The following CNTN1 variants were observed in gnomAD, a reference collection of about 807,000 sequenced individuals.
The protein encoded by CNTN1 is contactin 1.
In CNTN1, 38 loss-of-function variants were observed where a neutral mutation model predicts 126.4. The ratio of observed to expected loss-of-function variants is 0.30; its 90% CI spans 0.23 to 0.39. The LOEUF (loss-of-function observed/expected upper bound fraction) is 0.39, where lower values mean the gene tolerates loss of function less well. CNTN1 is among the 10% of genes least tolerant of loss of function. The pLI is 1.00. For synonymous variants in CNTN1, 413 were observed against 422.6 expected, an observed-to-expected ratio of 0.98 and a Z score of 0.28; for missense variants, 1,009 against 1,248.4, an observed-to-expected ratio of 0.81 and a Z score of 2.89.
intron 1 of CNTN1, among the ~76,000 whole-genome samples, chr12:40,704,970 C>T (rs900503555): frequency 1.3e-5 from 2 of 152,084 alleles, no homozygotes; most frequent in Non-Finnish European, 2.9e-5. Flanking sequence ...AAAGCTTATC[C>T]TTGCAATAAA....
intron 23 of CNTN1, among the ~76,000 whole-genome samples, chr12:41,042,988 C>T (rs1299879447): frequency 1.3e-5 from 2 of 152,106 alleles, no homozygotes; most frequent in East Asian, 1.9e-4. Context: ...ACACCTTATA[C>T]AAAAATTAAT....
Position 40,975,985 on chromosome 12 carries a change from C to T in CNTN1, c.1805-4924C>T, listed in dbSNP as rs184103877. On this transcript the variant is annotated intron_variant, in intron 15 of 23. Coordinates refer to ENST00000551295, the MANE Select transcript of CNTN1 (RefSeq NM_001843.4). ...CGTAATAAAATGTATTTCAAAAACTCGAGAGCATGGGTAGGGGGAGGTGGT... is the reference window on the plus strand; with the variant it reads ...CGTAATAAAATGTATTTCAAAAACTTGAGAGCATGGGTAGGGGGAGGTGGT... 1.9e-3 allele frequency among the ~76,000 whole-genome samples: 293 copies of T among 152,114 alleles called. 3 individuals are homozygous for T. Among genetic ancestry groups the T allele is most frequent in the Non-Finnish European group, 2.5e-3 (168 of 67,992 alleles).
chr12:40,887,876 A>C (rs1477481277), intron 1 of CNTN1, among the ~76,000 whole-genome samples: 1 of 152,076 alleles, frequency 6.6e-6, no homozygotes. Flanking sequence ...GACATGGATG[A>C]AACTGGAAAT....
chr12:40,979,167 T>G (rs964535829), intron 15 of CNTN1: 15 of 152,208 alleles, frequency 9.9e-5, no homozygotes, highest in Non-Finnish European at 1.5e-4. Context: ...TATACTATTA[T>G]AGGTTACAAA....
chr12:40,971,052 A>C (rs1473166925), intron 15 of CNTN1, among the ~76,000 whole-genome samples: 3 of 152,136 alleles, frequency 2.0e-5, no homozygotes, highest in Non-Finnish European at 4.4e-5. Flanking sequence ...ATCTATCCTT[A>C]TTACTTTTAT....
At chr12:40,698,963 A>G (rs1024275689) in intron 1 of CNTN1, among the ~76,000 whole-genome samples, 4 of 152,086 alleles carry the variant, frequency 2.6e-5, no homozygotes, top group African/African-American at 9.7e-5. Context: ...ATTCTCTACT[A>G]TAAATAACCT....
chr12:40,838,218 TC>T (rs1313746213), intron 1 of CNTN1, among the ~76,000 whole-genome samples: 1 of 152,076 alleles, frequency 6.6e-6, no homozygotes, highest in East Asian at 1.9e-4. Context: ...TGAAGTTGGC[TC>T]TAAACTCCCA....
chr12:41,024,990 A>C (rs1339917755), intron 20 of CNTN1, among the ~76,000 whole-genome samples, 160 bp from the exon 21 acceptor site: 1 of 152,102 alleles, frequency 6.6e-6, no homozygotes, highest in Non-Finnish European at 1.5e-5. Context: ...TGTATGCTTT[A>C]CTATATTCTA....
At chr12:40,777,337 A>G (rs923472644) in intron 1 of CNTN1, among the ~76,000 whole-genome samples, 6 of 151,496 alleles carry the variant, frequency 4.0e-5, no homozygotes, top group Non-Finnish European at 5.9e-5. Context: ...GTGTGTATAT[A>G]ATAATAAGCT....
chr12:40,839,617 A>G (rs1289583814), intron 1 of CNTN1, among the ~76,000 whole-genome samples: 1 of 152,188 alleles, frequency 6.6e-6, no homozygotes, highest in Non-Finnish European at 1.5e-5. Context: ...AGAGAATTGG[A>G]TGATCTACTC....
chr12:41,055,681 T>C (rs1286262582), intron 23 of CNTN1, among the ~76,000 whole-genome samples: 1 of 152,138 alleles, frequency 6.6e-6, no homozygotes, highest in Non-Finnish European at 1.5e-5. Flanking sequence ...ATATTAAAAC[T>C]GAGAAGCAAT....
chr12:40,928,761 T>C (rs529567517), intron 6 of CNTN1, among the ~76,000 whole-genome samples: 64 of 152,248 alleles, frequency 4.2e-4, no homozygotes, highest in African/African-American at 1.5e-3. Flanking sequence ...GCATCTCTTT[T>C]AGTTTTTCAT....
chr12:40,938,775 T>G (rs143339997), intron 11 of CNTN1, among the ~76,000 whole-genome samples: 20 of 152,200 alleles, frequency 1.3e-4, no homozygotes, highest in Admixed American at 4.6e-4. Context: ...TGATTGAAAT[T>G]GAAGTTATTT....
intron 1 of CNTN1, among the ~76,000 whole-genome samples, chr12:40,766,548 G>A (rs1299859477): frequency 5.9e-5 from 9 of 152,078 alleles, no homozygotes; most frequent in African/African-American, 1.9e-4. Context: ...GGTGTTACTG[G>A]CCTTTAAAAG....
At chr12:40,840,928 T>C (rs1162496758) in intron 1 of CNTN1, among the ~76,000 whole-genome samples, 1 of 146,852 alleles carries the variant, frequency 6.8e-6, no homozygotes, top group African/African-American at 2.5e-5. Context: ...AAATTCAAAA[T>C]TAGCAGATGA....
At chr12:41,002,112 ATTTTAT>A (rs1383665418) in intron 17 of CNTN1, among the ~76,000 whole-genome samples, 1 of 122,156 alleles carries the variant, frequency 8.2e-6, no homozygotes, top group Non-Finnish European at 1.9e-5. Flanking sequence ...TTGGGCTTTT[ATTTTAT>A]TTTATTTTTT....
intron 15 of CNTN1, chr12:40,978,834 C>T (rs1325445911): frequency 6.6e-6 from 1 of 152,028 alleles, no homozygotes; most frequent in Non-Finnish European, 1.5e-5. Flanking sequence ...GTCTTAAATT[C>T]CCTTTAACGT....
At chr12:40,751,597 T>C (rs1164467149) in intron 1 of CNTN1, among the ~76,000 whole-genome samples, 1 of 152,058 alleles carries the variant, frequency 6.6e-6, no homozygotes, top group African/African-American at 2.4e-5. Context: ...TGAGAAACTG[T>C]AAACCAGGCA....
chr12:40,813,923 A>T (rs1941174165), intron 1 of CNTN1, among the ~76,000 whole-genome samples: 1 of 151,878 alleles, frequency 6.6e-6, no homozygotes, highest in South Asian at 2.1e-4. Context: ...TGTGGTTTTG[A>T]TTTGCATTTC....
Sources: allele counts gnomAD v4.1 joint callset (sites outside exome capture counted in the v4.1 genomes callset), GRCh38; gene constraint gnomAD v4.1.1; transcripts MANE v1.5; gene names NCBI Gene and HGNC (gene_info 2026-07-23, HGNC 2026-07-21).